Variants in XKR6 observed in about 807,000 individuals in gnomAD.
XKR6 encodes XK related 6.
In XKR6, 22 loss-of-function variants were observed where a neutral mutation model predicts 56.7. That is an observed-to-expected ratio of 0.39 (90% CI 0.28 to 0.55). The LOEUF (loss-of-function observed/expected upper bound fraction) is 0.55, where lower values mean the gene tolerates loss of function less well. Among genes scored for constraint, XKR6 ranks in the 20% least tolerant of loss-of-function variants. XKR6 has a pLI of 0.66. For synonymous variants in XKR6, 524 were observed against 387.8 expected, an observed-to-expected ratio of 1.35 and a Z score of -4.13; for missense variants, 852 against 889.0, an observed-to-expected ratio of 0.96 and a Z score of 0.53.
At chr8:10,972,643 G>A (rs565328090) in intron 1 of XKR6, among the ~76,000 whole-genome samples, 2 of 152,348 alleles carry the variant, frequency 1.3e-5, no homozygotes, top group South Asian at 2.1e-4. Flanking sequence ...TCCCACTTAT[G>A]TGAGCTATTC....
intron 1 of XKR6, among the ~76,000 whole-genome samples, chr8:11,120,645 C>A (rs1202608739): frequency 6.6e-5 from 10 of 152,128 alleles, no homozygotes; most frequent in Admixed American, 3.9e-4. Context: ...CCATCCCCAT[C>A]AAGCTACCAA....
At chr8:10,990,566 G>T (rs1161117291) in intron 1 of XKR6, among the ~76,000 whole-genome samples, 1 of 152,166 alleles carries the variant, frequency 6.6e-6, no homozygotes, top group Non-Finnish European at 1.5e-5. Context: ...GTGTGGAGCT[G>T]CTGGGGAATG....
intron 1 of XKR6, among the ~76,000 whole-genome samples, chr8:11,180,953 C>T (rs1802942086): frequency 6.6e-6 from 1 of 152,136 alleles, no homozygotes; most frequent in Admixed American, 6.5e-5. Flanking sequence ...TTATGAAAGT[C>T]AGGGCTAAAA....
chr8:11,029,704 G>T (rs959485751), intron 1 of XKR6, among the ~76,000 whole-genome samples: 15 of 152,030 alleles, frequency 9.9e-5, no homozygotes, highest in African/African-American at 3.6e-4. Flanking sequence ...CGACCTCATT[G>T]TCCCTCCTTG....
At chr8:11,152,124 T>A (rs1357067578) in intron 1 of XKR6, among the ~76,000 whole-genome samples, 1 of 152,130 alleles carries the variant, frequency 6.6e-6, no homozygotes, top group Non-Finnish European at 1.5e-5. Flanking sequence ...CAAATAAGAA[T>A]CTTAAGAAAA....
At chr8:10,914,831 A>G (rs748930763) in intron 2 of XKR6, among the ~76,000 whole-genome samples, 1 of 152,222 alleles carries the variant, frequency 6.6e-6, no homozygotes, top group Non-Finnish European at 1.5e-5. Context: ...CCTGGCGTCC[A>G]GTACAGAGGT....
Position 11,095,769 on chromosome 8 carries a change from C to G in XKR6, c.764+104807G>C, listed in dbSNP as rs565995586. Among the ~76,000 whole-genome samples the G allele has an allele frequency of 3.9e-5, 6 of 152,302 alleles. No individual in the cohort carries two copies. The South Asian group carries it at 1.0e-3, about 26-fold the overall frequency. The stretch of plus-strand genomic sequence containing the variant: ...CAGTGGATCTGGGATATGACCCAGG[C>G]ACTGGTAACATTTAAAAGCTCAAAC... On this transcript the variant is annotated intron_variant, in intron 1 of 2. Coordinates refer to ENST00000416569, the MANE Select transcript of XKR6 (RefSeq NM_173683.4).
At chr8:10,971,555 G>A (rs1349867211) in intron 1 of XKR6, among the ~76,000 whole-genome samples, 1 of 152,128 alleles carries the variant, frequency 6.6e-6, no homozygotes, top group Non-Finnish European at 1.5e-5. Flanking sequence ...GAAAACTAAA[G>A]GAGACCAACC....
chr8:11,102,262 G>C (rs1017498561), intron 1 of XKR6, among the ~76,000 whole-genome samples: 1 of 152,160 alleles, frequency 6.6e-6, no homozygotes, highest in African/African-American at 2.4e-5. Context: ...TTTCCCATGA[G>C]CTCTCCCATA....
chr8:10,917,295 C>A (rs967497270), intron 2 of XKR6, among the ~76,000 whole-genome samples: 4 of 152,150 alleles, frequency 2.6e-5, no homozygotes, highest in African/African-American at 9.7e-5. Flanking sequence ...CTCTGTGCTT[C>A]GGCTTCCCTG....
At chr8:11,056,338 C>G (rs1799684503) in intron 1 of XKR6, among the ~76,000 whole-genome samples, 1 of 152,250 alleles carries the variant, frequency 6.6e-6, no homozygotes, top group Non-Finnish European at 1.5e-5. Flanking sequence ...TTTCCCATCT[C>G]CTTCCCTTCT....
At chr8:11,120,232 G>C (rs929429726) in intron 1 of XKR6, among the ~76,000 whole-genome samples, 1 of 152,200 alleles carries the variant, frequency 6.6e-6, no homozygotes, top group African/African-American at 2.4e-5. Context: ...AGTAAGAAAA[G>C]AGGAAGTCAA....
chr8:11,017,064 CAGAT>C (rs1291530689), intron 1 of XKR6, among the ~76,000 whole-genome samples: 13 of 152,116 alleles, frequency 8.5e-5, no homozygotes, highest in African/African-American at 1.9e-4. Flanking sequence ...AGATCATAGA[CAGAT>C]GGATGATTGA....
chr8:11,008,083 C>G (rs1331578657), intron 1 of XKR6, among the ~76,000 whole-genome samples: 2 of 152,168 alleles, frequency 1.3e-5, no homozygotes, highest in Non-Finnish European at 2.9e-5. Flanking sequence ...AGTGAAGGAC[C>G]TCACCTGTGC....
chr8:10,900,830 T>C (rs1393958164), intron 2 of XKR6, among the ~76,000 whole-genome samples: 1 of 147,446 alleles, frequency 6.8e-6, no homozygotes, highest in Non-Finnish European at 1.5e-5. Context: ...GTTGCAGATT[T>C]CTGGAGGGCA....
chr8:11,192,946 G>A (rs1803662350), intron 1 of XKR6, among the ~76,000 whole-genome samples: 1 of 152,184 alleles, frequency 6.6e-6, no homozygotes, highest in Non-Finnish European at 1.5e-5. Context: ...CAAGCCATGG[G>A]TTTGGCATCT....
intron 1 of XKR6, among the ~76,000 whole-genome samples, chr8:11,037,883 C>A (rs1048812026): frequency 6.6e-6 from 1 of 150,914 alleles, no homozygotes; most frequent in African/African-American, 2.5e-5. Flanking sequence ...AAAAATTAGC[C>A]GGGTGTGGTG....
At chr8:11,150,573 C>G (rs1282212324) in intron 1 of XKR6, among the ~76,000 whole-genome samples, 1 of 152,120 alleles carries the variant, frequency 6.6e-6, no homozygotes, top group Non-Finnish European at 1.5e-5. Context: ...TCCTTCCAGG[C>G]TGGGCGTGGT....
Position 11,105,688 on chromosome 8 carries a change from C to A in XKR6, c.764+94888G>T, listed in dbSNP as rs528619709. 37 of 152,282 alleles carry A rather than the reference C, an allele frequency of 2.4e-4. No individual in the cohort carries two copies. The East Asian group carries it at 4.0e-3, about 17-fold the overall frequency. The allele number at this position is 152,282 out of a possible 1,614,324, so 9.4% of individuals were successfully genotyped here. On this transcript the variant is annotated intron_variant, in intron 1 of 2. Coordinates refer to ENST00000416569, the MANE Select transcript of XKR6 (RefSeq NM_173683.4). ...AAATTTACTTAGTAAAATTCCTTCA[C>A]AGTACAAAGCTCTTTTATTTGGACA... is the stretch of plus-strand genomic sequence containing the variant.
Sources: gnomAD v4.1 joint callset for allele counts (sites outside exome capture counted in the v4.1 genomes callset) on GRCh38, gnomAD v4.1.1 for gene constraint, MANE v1.5 for transcripts, NCBI Gene and HGNC (gene_info 2026-07-23, HGNC 2026-07-21) for gene names.